SEMA4D: variants seen among roughly 807,000 people sequenced by gnomAD.
SEMA4D encodes semaphorin 4D.
Under a neutral mutation model 74.8 loss-of-function variants are expected in SEMA4D, and 22 were observed. The ratio of observed to expected loss-of-function variants is 0.29; its 90% CI spans 0.21 to 0.42. The LOEUF is 0.42. Among genes scored for constraint, SEMA4D ranks in the 10% least tolerant of loss-of-function variants. The probability of loss-of-function intolerance (pLI) is 1.00; values close to 1 mark genes in which losing one functional copy is unlikely to be tolerated. For missense variants in SEMA4D, 937 were observed against 1,118.4 expected, an observed-to-expected ratio of 0.84 and a Z score of 2.31; for synonymous variants, 445 against 463.7, an observed-to-expected ratio of 0.96 and a Z score of 0.52.
At position 89,387,432 on chromosome 9, in the gene SEMA4D, G is replaced by C; in HGVS notation, c.1284C>G (p.Thr428=). Residue 428 remains threonine (T), a synonymous_variant, in exon 12 of 16, where the codon ACC becomes ACG. Coordinates refer to ENST00000422704, the MANE Select transcript of SEMA4D (RefSeq NM_001371194.2). ...VNYTQIVVDR[T]QALDGTVYDV... is the part of the protein sequence containing the mutation. ...CATAGACAGTCCCATCCAGGGCCTG[G>C]GTCCGGTCCACCACGATCTGGGTGT... is the stretch of plus-strand genomic sequence containing the variant. 6.2e-7 allele frequency: 1 copy of C among 1,614,188 alleles called. No individual in the cohort carries two copies. The highest frequency in any genetic ancestry group is 8.5e-7 in the Non-Finnish European group (1 of 1,180,028).
chr9:89,482,158 G>A (rs867361429), intron 1 of SEMA4D, among the ~76,000 whole-genome samples: 11 of 152,256 alleles, frequency 7.2e-5, no homozygotes, highest in East Asian at 5.8e-4. Flanking sequence ...AGCTCACAGC[G>A]GTCAGAGCAC....
chr9:89,384,047 G>A (rs1049790701), intron 13 of SEMA4D, among the ~76,000 whole-genome samples: 4 of 152,170 alleles, frequency 2.6e-5, no homozygotes, highest in African/African-American at 9.7e-5. Context: ...CCTCTGCCAC[G>A]CTAGCTGTAG....
chr9:89,461,614 A>C (rs1449265016), intron 1 of SEMA4D, among the ~76,000 whole-genome samples: 1 of 151,952 alleles, frequency 6.6e-6, no homozygotes, highest in African/African-American at 2.4e-5. Context: ...TAGCATATGA[A>C]CAGAAATCAT....
At chr9:89,461,075 C>T (rs1387137426) in intron 1 of SEMA4D, among the ~76,000 whole-genome samples, 3 of 152,280 alleles carry the variant, frequency 2.0e-5, no homozygotes, top group Non-Finnish European at 2.9e-5. Flanking sequence ...TTTCTAAGAT[C>T]ACTGCAAACT....
chr9:89,445,726 T>C (rs530549073), intron 2 of SEMA4D, among the ~76,000 whole-genome samples: 1 of 152,300 alleles, frequency 6.6e-6, no homozygotes, highest in African/African-American at 2.4e-5. Flanking sequence ...AAGTCCCCTC[T>C]GACTTGGGAA....
intron 1 of SEMA4D, among the ~76,000 whole-genome samples, chr9:89,488,407 A>AGGCTGGAGT (rs903541122): frequency 1.5e-4 from 19 of 124,694 alleles, no homozygotes; most frequent in Non-Finnish European, 2.8e-4. Flanking sequence ...TCTGTCACAC[A>AGGCTGGAGT]GGCTGGAGTG....
intron 18 of SEMA4D, among the ~76,000 whole-genome samples, chr9:89,363,273 C>CT (rs564784754): frequency 6.6e-6 from 1 of 152,152 alleles, no homozygotes; most frequent in Admixed American, 6.5e-5. Context: ...GATTTCCCCC[C>CT]CCAGTGTTGC....
At chr9:89,372,022 G>GGGT (rs1835043694) in intron 16 of SEMA4D, among the ~76,000 whole-genome samples, 1 of 47,320 alleles carries the variant, frequency 2.1e-5, no homozygotes, top group Non-Finnish European at 4.2e-5. Context: ...GTGTGTCTGG[G>GGGT]GTGTGGTGTG....
chr9:89,370,215 GTGA>G (rs1266025510), intron 16 of SEMA4D, among the ~76,000 whole-genome samples: 2 of 151,242 alleles, frequency 1.3e-5, no homozygotes, highest in East Asian at 1.9e-4. Context: ...TTTGGTGTAT[GTGA>G]TGTTTTGTGC....
intron 2 of SEMA4D, among the ~76,000 whole-genome samples, chr9:89,423,683 C>T (rs1359693115): frequency 6.6e-6 from 1 of 151,992 alleles, no homozygotes; most frequent in African/African-American, 2.4e-5. Context: ...CCTTCCTATC[C>T]CTCAGATACT....
At chr9:89,443,217 C>T (rs970711364) in intron 2 of SEMA4D, among the ~76,000 whole-genome samples, 1 of 152,126 alleles carries the variant, frequency 6.6e-6, no homozygotes, top group South Asian at 2.1e-4. Flanking sequence ...CCCACACTAC[C>T]CCCCTGGACA....
rs13290202 is a variant in SEMA4D, at chr9:89,404,610, G to A, written c.106+741C>T. Among the ~76,000 whole-genome samples, 94 of 84,084 alleles carry A rather than the reference G, an allele frequency of 1.1e-3. 1 individual carries two copies. In the East Asian group the frequency reaches 0.014, roughly 12 times the overall value. The allele number at this position is 84,084 out of a possible 152,430, so 55.2% of individuals were successfully genotyped here. ...GTCCCCATCCCGTCCCCAGCCACCC[G>A]CCTCAGCATCCCAGGAAGTGGAGTC... On this transcript the variant is annotated intron_variant, in intron 3 of 15. Coordinates refer to ENST00000422704, the MANE Select transcript of SEMA4D (RefSeq NM_001371194.2).
At chr9:89,487,931 T>A (rs1825318247) in intron 1 of SEMA4D, among the ~76,000 whole-genome samples, 1 of 152,184 alleles carries the variant, frequency 6.6e-6, no homozygotes, top group Admixed American at 6.5e-5. Flanking sequence ...CCCAAATTGA[T>A]CTAAGGAGTT....
downstream of SEMA4D, among the ~76,000 whole-genome samples, chr9:89,373,482 A>G (rs572507982): frequency 1.3e-5 from 2 of 152,322 alleles, no homozygotes; most frequent in South Asian, 4.1e-4. Context: ...TCCATCAGTC[A>G]GCCCTCTCTG....
chr9:89,440,945 T>C (rs1216279447), intron 2 of SEMA4D, among the ~76,000 whole-genome samples: 1 of 152,264 alleles, frequency 6.6e-6, no homozygotes, highest in Non-Finnish European at 1.5e-5. Flanking sequence ...ACTGGACTAC[T>C]GCAGCAAATT....
intron 13 of SEMA4D, 115 bp downstream of exon 13, chr9:89,386,252 G>T: frequency 9.9e-7 from 1 of 1,009,774 alleles, no homozygotes; most frequent in Non-Finnish European, 1.4e-6. Context: ...ACCCAGGGCA[G>T]ACAGACAGAG....
chr9:89,440,357 C>T (rs900087980), intron 2 of SEMA4D, among the ~76,000 whole-genome samples: 2 of 152,126 alleles, frequency 1.3e-5, no homozygotes, highest in African/African-American at 2.4e-5. Context: ...TATCTCGAAA[C>T]TCCAAATCTG....
intron 1 of SEMA4D, among the ~76,000 whole-genome samples, chr9:89,457,906 G>A (rs1426234604): frequency 1.3e-5 from 2 of 152,022 alleles, no homozygotes; most frequent in African/African-American, 2.4e-5. Context: ...GGTGGTACAC[G>A]CCTGTAGTCC....
At chr9:89,454,633 C>T (rs761958161) in intron 2 of SEMA4D, among the ~76,000 whole-genome samples, 1 of 152,240 alleles carries the variant, frequency 6.6e-6, no homozygotes, top group Admixed American at 6.5e-5. Flanking sequence ...CTGGGGCTAC[C>T]GAGGGCACTT....
Sources: allele counts gnomAD v4.1 joint callset (sites outside exome capture counted in the v4.1 genomes callset), GRCh38; gene constraint gnomAD v4.1.1; transcripts MANE v1.5; gene names NCBI Gene and HGNC (gene_info 2026-07-23, HGNC 2026-07-21).